HS3ST4: variants seen among roughly 807,000 people sequenced by gnomAD.
HS3ST4 encodes the protein heparan sulfate glucosamine 3-O-sulfotransferase 4.
A neutral mutation model predicts 29.2 loss-of-function variants in HS3ST4; 17 were observed. That is an observed-to-expected ratio of 0.58 (90% CI 0.40 to 0.87). The LOEUF is 0.87. Ranked by LOEUF, HS3ST4 falls within the 40% of genes least tolerant of loss-of-function variation. The pLI is 0.00. For missense variants in HS3ST4, 627 were observed against 634.5 expected (o/e 0.99, Z 0.13); for synonymous variants, 314 against 285.7 (o/e 1.10, Z -1.00).
At chr16:26,012,742 A>G (rs572627112) in intron 1 of HS3ST4, among the ~76,000 whole-genome samples, 2 of 152,340 alleles carry the variant, frequency 1.3e-5, no homozygotes, top group African/African-American at 2.4e-5. Flanking sequence ...GGGACCAGGA[A>G]CTTGGCAGGT....
chr16:26,000,718 C>T (rs1454770342), intron 1 of HS3ST4, among the ~76,000 whole-genome samples: 4 of 152,076 alleles, frequency 2.6e-5, no homozygotes, highest in African/African-American at 4.8e-5. Context: ...TATCAAAAGG[C>T]GAGTGTGTAC....
At chr16:25,811,017 C>A (rs1014845878) in intron 1 of HS3ST4, among the ~76,000 whole-genome samples, 2 of 152,130 alleles carry the variant, frequency 1.3e-5, no homozygotes, top group Non-Finnish European at 2.9e-5. Context: ...TGGAGAATGA[C>A]AATGATGGCA....
chr16:25,823,610 G>C (rs1387805000), intron 1 of HS3ST4, among the ~76,000 whole-genome samples: 2 of 152,078 alleles, frequency 1.3e-5, no homozygotes, highest in Non-Finnish European at 2.9e-5. Flanking sequence ...GCCCAGACTG[G>C]AGTGCAGTGG....
At chr16:25,827,748 T>C (rs545014512) in intron 1 of HS3ST4, among the ~76,000 whole-genome samples, 4 of 152,158 alleles carry the variant, frequency 2.6e-5, no homozygotes, top group Non-Finnish European at 5.9e-5. Flanking sequence ...TTTCCTAATT[T>C]GTAGAAATTT....
At chr16:26,017,835 A>G (rs1969375337) in intron 1 of HS3ST4, among the ~76,000 whole-genome samples, 1 of 152,146 alleles carries the variant, frequency 6.6e-6, no homozygotes, top group African/African-American at 2.4e-5. Context: ...ACAAATTTGG[A>G]AGGAAAGGCA....
At chr16:25,773,307 G>A (rs528390764) in intron 1 of HS3ST4, among the ~76,000 whole-genome samples, 37 of 152,294 alleles carry the variant, frequency 2.4e-4, no homozygotes, top group Non-Finnish European at 4.4e-4. Context: ...GGTGGCCTTC[G>A]ATATTTTATG....
chr16:25,886,280 GC>G (rs1967951172), intron 1 of HS3ST4, among the ~76,000 whole-genome samples: 1 of 152,096 alleles, frequency 6.6e-6, no homozygotes, highest in Non-Finnish European at 1.5e-5. Flanking sequence ...TGATCCGCCT[GC>G]CTCGGCCTCC....
chr16:25,752,529 AG>A (rs1966728973), intron 1 of HS3ST4, among the ~76,000 whole-genome samples: 1 of 152,196 alleles, frequency 6.6e-6, no homozygotes, highest in Non-Finnish European at 1.5e-5. Flanking sequence ...AAGGCAACAA[AG>A]GGCATTGCTG....
chr16:25,926,042 G>A (rs547164698), intron 1 of HS3ST4, among the ~76,000 whole-genome samples: 15 of 144,642 alleles, frequency 1.0e-4, no homozygotes, highest in South Asian at 2.2e-4. Context: ...AAATGGCACC[G>A]TTAAAAAAAA....
chr16:26,090,641 C>G (rs141708171), intron 1 of HS3ST4, among the ~76,000 whole-genome samples: 1 of 151,978 alleles, frequency 6.6e-6, no homozygotes, highest in Admixed American at 6.6e-5. Context: ...TGGAGACCCT[C>G]GGGGCCCATG....
At position 25,981,609 on chromosome 16, in the gene HS3ST4, C is replaced by CTTTTT. The variant is rs376892231; in HGVS notation, c.735-153990_735-153986dup. On this transcript the variant is annotated intron_variant, in intron 1 of 1. Coordinates refer to ENST00000331351, the MANE Select transcript of HS3ST4 (RefSeq NM_006040.3). The stretch of plus-strand genomic sequence containing the variant: ...ATACTGCTGATGTAATGGTGGAGTT[C>CTTTTT]TTTTTTTTTTTTTTTTTAGACGGAA... Among the ~76,000 whole-genome samples, 582 of 136,790 alleles carry CTTTTT rather than the reference C, an allele frequency of 4.3e-3. 12 individuals are homozygous for CTTTTT. The highest frequency in any genetic ancestry group is 0.015 in the African/African-American group (554 of 36,494). 89.7% of individuals were successfully genotyped at this position (136,790 alleles called of 152,430 possible).
intron 1 of HS3ST4, among the ~76,000 whole-genome samples, chr16:25,955,748 A>G (rs538022078): frequency 1.3e-5 from 2 of 152,178 alleles, no homozygotes; most frequent in South Asian, 4.2e-4. Flanking sequence ...CAGTGTGAGT[A>G]AGACATGGTT....
chr16:26,121,128 C>A lies in HS3ST4; in HGVS notation c.735-14484C>A, dbSNP rs139899254. Among the ~76,000 whole-genome samples, 32 of 152,172 alleles carry A rather than the reference C, an allele frequency of 2.1e-4. No homozygotes were observed. The East Asian group carries it at 5.6e-3, about 27-fold the overall frequency. Reference sequence around the variant, plus strand: ...ATGGTGAAGAAACTCAGGCTTGAGGCGGTTAAGGAGGTCTTCCAAAGTTAT... The same window carrying A: ...ATGGTGAAGAAACTCAGGCTTGAGGAGGTTAAGGAGGTCTTCCAAAGTTAT... On this transcript the variant is annotated intron_variant, in intron 1 of 1. Coordinates refer to ENST00000331351, the MANE Select transcript of HS3ST4 (RefSeq NM_006040.3).
intron 1 of HS3ST4, among the ~76,000 whole-genome samples, chr16:26,129,758 C>A: frequency 6.6e-6 from 1 of 152,216 alleles, no homozygotes; most frequent in East Asian, 1.9e-4. Flanking sequence ...CTGATCTTAA[C>A]TACTGGGCTG....
intron 1 of HS3ST4, among the ~76,000 whole-genome samples, chr16:25,976,839 G>A (rs183579155): frequency 1.3e-5 from 2 of 152,344 alleles, no homozygotes; most frequent in East Asian, 1.9e-4. Context: ...CTCCGGCAGT[G>A]CAAGAGGAGT....
intron 1 of HS3ST4, among the ~76,000 whole-genome samples, chr16:25,855,259 G>A (rs1055334678): frequency 2.6e-5 from 4 of 152,258 alleles, no homozygotes; most frequent in East Asian, 1.9e-4. Flanking sequence ...CAAAGTTCTT[G>A]TTATGTAGAT....
intron 1 of HS3ST4, among the ~76,000 whole-genome samples, chr16:26,014,534 C>G (rs1474443718): frequency 6.6e-6 from 1 of 152,070 alleles, no homozygotes; most frequent in Non-Finnish European, 1.5e-5. Flanking sequence ...CTGTTGTTCC[C>G]TTCTTTGTGT....
intron 1 of HS3ST4, among the ~76,000 whole-genome samples, chr16:25,717,439 G>T (rs1304743261): frequency 2.0e-5 from 3 of 151,966 alleles, no homozygotes; most frequent in African/African-American, 7.3e-5. Context: ...TAACCTATTG[G>T]AGGACCAGGG....
Position 26,007,307 on chromosome 16 carries a change from G to C in HS3ST4, c.735-128305G>C, listed in dbSNP as rs959916776. Among the ~76,000 whole-genome samples the C allele has an allele frequency of 2.6e-5, 4 of 152,128 alleles. No individual in the cohort carries two copies. The South Asian group carries it at 8.3e-4, about 32-fold the overall frequency. The stretch of plus-strand genomic sequence containing the variant: ...GCACAGGCTTCTGGAGGTATCTGCT[G>C]TTATAAATCCTGCTTTAAATTTTGC... On this transcript the variant is annotated intron_variant, in intron 1 of 1. Coordinates refer to ENST00000331351, the MANE Select transcript of HS3ST4 (RefSeq NM_006040.3).
Sources: allele counts gnomAD v4.1 joint callset (sites outside exome capture counted in the v4.1 genomes callset), GRCh38; gene constraint gnomAD v4.1.1; transcripts MANE v1.5; gene names NCBI Gene and HGNC (gene_info 2026-07-23, HGNC 2026-07-21).